TCF4: variants seen among roughly 807,000 people sequenced by gnomAD.
The protein encoded by TCF4 is transcription factor 4.
Under a neutral mutation model 82.1 loss-of-function variants are expected in TCF4, and 3 were observed. The observed-to-expected ratio is 0.04, with a 90% CI of 0.02 to 0.09. The LOEUF is 0.09. Among genes scored for constraint, TCF4 ranks in the 10% least tolerant of loss-of-function variants. The pLI is 1.00. For synonymous variants in TCF4, 276 were observed against 309.6 expected (o/e 0.89, Z 1.14); for missense variants, 518 against 852.7 (o/e 0.61, Z 4.89).
intron 8 of TCF4, among the ~76,000 whole-genome samples, chr18:55,309,055 T>C (rs1248752125): frequency 6.6e-6 from 1 of 152,136 alleles, no homozygotes; most frequent in African/African-American, 2.4e-5. Context: ...AGTGATCTTT[T>C]TAAAGTTTTA....
intron 3 of TCF4, among the ~76,000 whole-genome samples, chr18:55,533,029 T>C (rs1568332803): frequency 6.6e-6 from 1 of 152,306 alleles, no homozygotes; most frequent in East Asian, 1.9e-4. Context: ...CTGCTCCCCA[T>C]ATGTTTCCAT....
chr18:55,510,255 T>A (rs1167359428), intron 3 of TCF4, among the ~76,000 whole-genome samples: 1 of 152,134 alleles, frequency 6.6e-6, no homozygotes, highest in Non-Finnish European at 1.5e-5. Context: ...CAGCAGAGGA[T>A]CCAGAATGGT....
chr18:55,569,381 T>C lies in TCF4; in HGVS notation c.145+15899A>G, dbSNP rs551517244. ...ACATGGCTGAATATGAAAATTGATATACAAAAATCAATTGAATGCCAGGTG... is the reference window on the plus strand; with the variant it reads ...ACATGGCTGAATATGAAAATTGATACACAAAAATCAATTGAATGCCAGGTG... On this transcript the variant is annotated intron_variant, in intron 3 of 19. Coordinates refer to ENST00000354452, the MANE Select transcript of TCF4 (RefSeq NM_001083962.2). 1.4e-4 allele frequency among the ~76,000 whole-genome samples: 22 copies of C among 151,956 alleles called. No homozygotes were observed. In the South Asian group the frequency reaches 2.5e-3, roughly 17 times the overall value.
chr18:55,237,109 T>A (rs1445829810), intron 15 of TCF4, among the ~76,000 whole-genome samples: 1 of 152,214 alleles, frequency 6.6e-6, no homozygotes, highest in Admixed American at 6.5e-5. Context: ...ACAACTGGTA[T>A]GTAATAGGTA....
chr18:55,462,514 A>G (rs2095887889), intron 4 of TCF4, among the ~76,000 whole-genome samples: 2 of 152,200 alleles, frequency 1.3e-5, no homozygotes, highest in South Asian at 4.1e-4. Context: ...TATAAATTAC[A>G]CAAAATTGGT....
intron 9 of TCF4, among the ~76,000 whole-genome samples, 177 bp from the exon 10 acceptor site, chr18:55,275,929 C>T (rs2061429945): frequency 6.6e-6 from 1 of 152,038 alleles, no homozygotes; most frequent in Non-Finnish European, 1.5e-5. Context: ...TATTGTCAAA[C>T]AAATATAAAC....
At chr18:55,372,755 A>G (rs1253797777) in intron 6 of TCF4, among the ~76,000 whole-genome samples, 1 of 152,172 alleles carries the variant, frequency 6.6e-6, no homozygotes, top group Non-Finnish European at 1.5e-5. Context: ...TAAAACGTCA[A>G]AAAGGAAACA....
intron 6 of TCF4, among the ~76,000 whole-genome samples, chr18:55,371,712 G>A (rs1029699435): frequency 2.0e-5 from 3 of 152,050 alleles, no homozygotes; most frequent in Non-Finnish European, 4.4e-5. Flanking sequence ...GTCTGACATA[G>A]AGACGCCTCT....
intron 3 of TCF4, among the ~76,000 whole-genome samples, chr18:55,531,399 C>G (rs1041662087): frequency 6.6e-6 from 1 of 152,066 alleles, no homozygotes; most frequent in Non-Finnish European, 1.5e-5. Flanking sequence ...AAGAAAGGAT[C>G]GCTAAGTAGA....
intron 3 of TCF4, chr18:55,550,952 T>C (rs1417771998): frequency 1.3e-5 from 2 of 152,176 alleles, no homozygotes; most frequent in Non-Finnish European, 2.9e-5. Context: ...TATTCTTTTT[T>C]TTTTTCTATG....
At chr18:55,437,014 C>G (rs1289155079) in intron 5 of TCF4, among the ~76,000 whole-genome samples, 1 of 152,238 alleles carries the variant, frequency 6.6e-6, no homozygotes, top group Non-Finnish European at 1.5e-5. Context: ...TTCATGCCTA[C>G]AACCAATATT....
intron 5 of TCF4, among the ~76,000 whole-genome samples, chr18:55,460,730 T>C (rs2095854924): frequency 6.6e-6 from 1 of 152,194 alleles, no homozygotes; most frequent in South Asian, 2.1e-4. Flanking sequence ...AAACTACTGA[T>C]ACAACATTGA....
chr18:55,555,458 A>G (rs998995719), intron 3 of TCF4, among the ~76,000 whole-genome samples: 21 of 152,182 alleles, frequency 1.4e-4, no homozygotes, highest in African/African-American at 4.8e-4. Context: ...AAATGGTAAC[A>G]TTTTCAGAAA....
At chr18:55,581,766 T>C (rs191738512) in intron 3 of TCF4, among the ~76,000 whole-genome samples, 3 of 152,206 alleles carry the variant, frequency 2.0e-5, no homozygotes, top group Admixed American at 2.0e-4. Flanking sequence ...CTAACTTAGG[T>C]AAATTTCAGG....
intron 6 of TCF4, among the ~76,000 whole-genome samples, chr18:55,362,695 G>C (rs1164668666): frequency 6.6e-6 from 1 of 152,156 alleles, no homozygotes; most frequent in Admixed American, 6.5e-5. Flanking sequence ...AGTTAGAATA[G>C]GACTGTGATC....
intron 6 of TCF4, among the ~76,000 whole-genome samples, chr18:55,395,480 CA>C (rs2093433191): frequency 6.6e-6 from 1 of 152,188 alleles, no homozygotes; most frequent in African/African-American, 2.4e-5. Context: ...TAAATCATCT[CA>C]AAGCAATTTC....
At chr18:55,588,617 C>T (rs946329903), upstream of TCF4, 14 of 1,472,092 alleles carry the variant, frequency 9.5e-6, no homozygotes, top group Non-Finnish European at 1.2e-5. Flanking sequence ...CTCTCACTCA[C>T]ACATCCACAC....
chr18:55,346,257 T>G (rs2081155724), intron 8 of TCF4, among the ~76,000 whole-genome samples: 2 of 152,168 alleles, frequency 1.3e-5, no homozygotes, highest in African/African-American at 4.8e-5. Flanking sequence ...GTGAACCTAA[T>G]ATCTAATACA....
intron 5 of TCF4, among the ~76,000 whole-genome samples, chr18:55,443,489 T>C (rs754644945): frequency 3.9e-5 from 6 of 152,218 alleles, no homozygotes; most frequent in Non-Finnish European, 8.8e-5. Flanking sequence ...GCCTTAAAAT[T>C]AGGTGTAGGT....
Sources: gnomAD v4.1 joint callset for allele counts (sites outside exome capture counted in the v4.1 genomes callset) on GRCh38, gnomAD v4.1.1 for gene constraint, MANE v1.5 for transcripts, NCBI Gene and HGNC (gene_info 2026-07-23, HGNC 2026-07-21) for gene names.